STS: variants seen among roughly 807,000 people sequenced by gnomAD.
The protein encoded by STS is steryl-sulfatase.
Under a neutral mutation model 26.8 loss-of-function variants are expected in STS, and 7 were observed. The ratio of observed to expected loss-of-function variants is 0.26; its 90% CI spans 0.15 to 0.49. STS has a LOEUF of 0.49. STS is among the 20% of genes least tolerant of loss of function. The probability of loss-of-function intolerance (pLI) is 0.98; values close to 1 mark genes in which losing one functional copy is unlikely to be tolerated. For synonymous variants in STS, 199 were observed against 189.4 expected, an observed-to-expected ratio of 1.05 and a Z score of -0.42; for missense variants, 434 against 465.6, an observed-to-expected ratio of 0.93 and a Z score of 0.63.
intron 7 of STS, among the ~76,000 whole-genome samples, chrX:7,295,432 A>G (rs1373075854): frequency 9.0e-6 from 1 of 111,348 alleles, no homozygotes; most frequent in African/African-American, 3.3e-5. Context: ...CATTATTATT[A>G]TCATTATTGT....
intron 1 of STS, among the ~76,000 whole-genome samples, chrX:7,164,308 G>T (rs1933306058): frequency 8.9e-6 from 1 of 112,067 alleles, no homozygotes; most frequent in South Asian, 3.7e-4. Flanking sequence ...AATTGCAAGT[G>T]GAAAAGGGTT....
intron 1 of STS, among the ~76,000 whole-genome samples, chrX:7,151,122 G>GTA (rs1933004317): frequency 8.9e-6 from 1 of 112,360 alleles, no homozygotes; most frequent in South Asian, 3.7e-4. Context: ...TTTATTGTGT[G>GTA]TATATATATG....
In STS at chrX:7,349,914, T is replaced by C. The variant is rs940733502; in HGVS notation, c.1390T>C (p.Phe464Leu). The C allele has an allele frequency of 2.3e-5, 28 of 1,210,204 alleles. No homozygotes were observed. Among genetic ancestry groups the C allele is most frequent in the Non-Finnish European group, 2.9e-5 (26 of 895,253 alleles). Residue 464 changes from phenylalanine (F) to leucine (L), a missense_variant, in exon 11 of 11, where the codon TTC becomes CTC. Physicochemically the swap from Phe to Leu is conservative, Grantham distance 22 (BLOSUM62 0). Around this residue, in one of 2 missense-constraint regions of STS, gnomAD observed 205 missense variants for 177.3 expected, o/e 1.16. Coordinates refer to ENST00000674429, the MANE Select transcript of STS (RefSeq NM_001320752.2). ...CACATCCATCTGGAAGGCCTTTTTC[T>C]TCACCCCCAACTTCAACCCCGTGGG... ...NSTSIWKAFF[F>L]TPNFNPVGSN...
At chrX:7,329,369 C>T (rs1927640912) in intron 9 of STS, among the ~76,000 whole-genome samples, 2 of 111,899 alleles carry the variant, frequency 1.8e-5, no homozygotes, top group Admixed American at 1.9e-4. Context: ...ATTATGTCAG[C>T]GGTGCTGACG....
rs1053671445 is a variant in STS, at chrX:7,283,841, G to A, written c.943+7754G>A. On this transcript the variant is annotated intron_variant, in intron 7 of 10. Transcript: ENST00000674429. The stretch of plus-strand genomic sequence containing the variant: ...ATTCAAACAAGATTGCAGCAAAGGT[G>A]TTGGAAGGCTGGGGCAGAGTGGAAG... Among the ~76,000 whole-genome samples the A allele has an allele frequency of 2.7e-5, 3 of 111,314 alleles. No homozygotes were observed. The East Asian group carries it at 8.5e-4, about 31-fold the overall frequency.
At chrX:7,266,207 C>T (rs1467429893) in intron 6 of STS, among the ~76,000 whole-genome samples, 1 of 111,668 alleles carries the variant, frequency 9.0e-6, no homozygotes. Flanking sequence ...AGCTGCTTCT[C>T]AGTTCATCTG....
At chrX:7,165,157 A>G (rs1211762146) in intron 1 of STS, among the ~76,000 whole-genome samples, 6 of 108,302 alleles carry the variant, frequency 5.5e-5, no homozygotes, top group African/African-American at 2.0e-4. Flanking sequence ...CACACTAGAT[A>G]TTTGGGGCAG....
At position 7,193,594 on chromosome X, in the gene STS, C is replaced by CGAATTAATTCAT. The variant is rs1933918204; in HGVS notation, c.-5+2590_-5+2591insTAATTCATGAAT. ...GGGTTCATGATTAATTCATGATAAA[C>CGAATTAATTCAT]GAATACAGCATTCATTATCCTTTCC... On this transcript the variant is annotated intron_variant, in intron 2 of 10. Transcript: ENST00000674429. Among the ~76,000 whole-genome samples the CGAATTAATTCAT allele has an allele frequency of 5.4e-5, 6 of 110,829 alleles. No individual in the cohort carries two copies. The South Asian group carries it at 2.3e-3, about 42-fold the overall frequency.
At chrX:7,323,529 C>G (rs1323043400) in intron 8 of STS, among the ~76,000 whole-genome samples, 1 of 111,443 alleles carries the variant, frequency 9.0e-6, no homozygotes, top group African/African-American at 3.3e-5. Flanking sequence ...TCTAGCTATA[C>G]CATGTTGCTA....
intron 10 of STS, among the ~76,000 whole-genome samples, chrX:7,339,751 C>G (rs2147184736): frequency 8.9e-6 from 1 of 111,843 alleles, no homozygotes; most frequent in East Asian, 2.8e-4. Context: ...AACAGCTTAA[C>G]TTCCCCTAAC....
intron 2 of STS, among the ~76,000 whole-genome samples, chrX:7,219,092 T>G (rs1381306353): frequency 8.9e-6 from 1 of 111,814 alleles, no homozygotes; most frequent in Non-Finnish European, 1.9e-5. Context: ...AAAATAAAGC[T>G]TACTCTTATA....
intron 2 of STS, among the ~76,000 whole-genome samples, chrX:7,246,403 G>A (rs959996103): frequency 7.3e-5 from 8 of 110,144 alleles, no homozygotes; most frequent in East Asian, 5.8e-4. Flanking sequence ...CCAGGTTCGC[G>A]CCATTCTCCT....
At chrX:7,292,418 T>C (rs1252802913) in intron 7 of STS, among the ~76,000 whole-genome samples, 1 of 112,406 alleles carries the variant, frequency 8.9e-6, no homozygotes, top group African/African-American at 3.2e-5. Flanking sequence ...CAGAACAGTA[T>C]ACACTGAGTT....
At chrX:7,204,487 CCCTT>C (rs1347237866) in intron 2 of STS, among the ~76,000 whole-genome samples, 4 of 103,073 alleles carry the variant, frequency 3.9e-5, no homozygotes, top group Non-Finnish European at 7.9e-5. Flanking sequence ...CTTCCTCCCT[CCCTT>C]CCTTCCTCCC....
chrX:7,238,588 G>A (rs1922440779), intron 2 of STS, among the ~76,000 whole-genome samples: 1 of 111,230 alleles, frequency 9.0e-6, no homozygotes, highest in Admixed American at 9.6e-5. Context: ...CAGCTACATA[G>A]GAGGCCAAGG....
intron 2 of STS, among the ~76,000 whole-genome samples, chrX:7,209,248 A>G (rs1396249682): frequency 9.0e-6 from 1 of 110,916 alleles, no homozygotes; most frequent in African/African-American, 3.3e-5. Flanking sequence ...CTTCCATAGC[A>G]GGTAACATTA....
chrX:7,297,604 A>G (rs1049634911), intron 7 of STS, among the ~76,000 whole-genome samples: 9 of 112,079 alleles, frequency 8.0e-5, no homozygotes, highest in African/African-American at 2.9e-4. Flanking sequence ...GTAAATTAAT[A>G]AAAAGCATGA....
intron 6 of STS, among the ~76,000 whole-genome samples, chrX:7,274,605 A>T (rs1256052503): frequency 8.9e-6 from 1 of 111,975 alleles, no homozygotes; most frequent in Non-Finnish European, 1.9e-5. Context: ...GAAACCTCAT[A>T]CCTTCGTATA....
At chrX:7,280,446 A>G (rs1924803514) in intron 7 of STS, among the ~76,000 whole-genome samples, 2 of 112,041 alleles carry the variant, frequency 1.8e-5, no homozygotes, top group African/African-American at 6.5e-5. Context: ...TCATGGTGCT[A>G]TTGCAAAGTC....
Sources: allele counts gnomAD v4.1 joint callset (sites outside exome capture counted in the v4.1 genomes callset), GRCh38; gene constraint gnomAD v4.1.1; regional missense constraint gnomAD v4.1.1; transcripts MANE v1.5; gene names NCBI Gene and HGNC (gene_info 2026-07-23, HGNC 2026-07-21).